Variants in CLSTN1 observed in about 807,000 individuals in gnomAD.
CLSTN1 encodes calsyntenin-1.
CLSTN1 carries 28 observed loss-of-function variants against 108.3 expected under a neutral mutation model. That is an observed-to-expected ratio of 0.26 (90% CI 0.19 to 0.35). The LOEUF (loss-of-function observed/expected upper bound fraction) is 0.35. Ranked by LOEUF, CLSTN1 falls within the 10% of genes least tolerant of loss-of-function variation. CLSTN1 has a pLI of 1.00. For missense variants in CLSTN1, 1,157 were observed against 1,302.6 expected, an observed-to-expected ratio of 0.89 and a Z score of 1.72; for synonymous variants, 524 against 534.9, an observed-to-expected ratio of 0.98 and a Z score of 0.28.
rs149122023 is a variant in CLSTN1, at chr1:9,802,424, G to A, written c.91+21219C>T. 4.1e-3 allele frequency among the ~76,000 whole-genome samples: 624 copies of A among 152,274 alleles called. 6 individuals are homozygous for A. Among genetic ancestry groups the A allele is most frequent in the Middle Eastern group, 0.031 (9 of 294 alleles). On this transcript the variant is annotated intron_variant, in intron 1 of 18. Transcript: ENST00000377298. ...TGCAACTGTGATTTCAGCAGAGTGT[G>A]CAAATTTCTGAGATGTTCACATTAA...
chr1:9,747,213 G>A (rs1455895517), intron 7 of CLSTN1, among the ~76,000 whole-genome samples: 5 of 145,734 alleles, frequency 3.4e-5, no homozygotes, highest in Non-Finnish European at 6.0e-5. Flanking sequence ...AGTACCTGGT[G>A]CATAGTAAGC....
intron 7 of CLSTN1, among the ~76,000 whole-genome samples, chr1:9,745,441 G>A (rs868828550): frequency 1.1e-4 from 16 of 152,104 alleles, no homozygotes; most frequent in Admixed American, 1.3e-4. Flanking sequence ...CAGATTGCTT[G>A]AGCCCAGGAG....
Position 9,823,735 on chromosome 1 carries a change from G to C in CLSTN1, c.-2C>G. On this transcript the variant is annotated 5_prime_UTR_variant, in exon 1 of 19. Transcript: ENST00000377298. This position sits in a 1 kb window ranked among gnomAD's most constrained non-coding sequence, Gnocchi z 6.3. ...CGCGGGAGCGGGGCGGCGCAGCATC[G>C]CCAGCCCGGGGCGGGAGCGGCAGGG... The C allele has an allele frequency of 9.5e-7, 1 of 1,056,776 alleles. No homozygotes were observed. The highest frequency in any genetic ancestry group is 1.1e-6 in the Non-Finnish European group (1 of 877,578). The allele number at this position is 1,056,776 out of a possible 1,614,324, so 65.5% of individuals were successfully genotyped here.
intron 10 of CLSTN1, among the ~76,000 whole-genome samples, chr1:9,738,709 C>A (rs1226333737): frequency 4.6e-5 from 7 of 152,206 alleles, no homozygotes; most frequent in African/African-American, 9.6e-5. Context: ...GGCTGGAGTG[C>A]AGTGGTGTGA....
At chr1:9,799,246 T>C (rs1654146028) in intron 1 of CLSTN1, among the ~76,000 whole-genome samples, 1 of 152,022 alleles carries the variant, frequency 6.6e-6, no homozygotes. Context: ...GGAATCACAA[T>C]TTACAGAGCA....
intron 1 of CLSTN1, among the ~76,000 whole-genome samples, chr1:9,796,933 C>T (rs562686632): frequency 2.0e-5 from 3 of 152,126 alleles, no homozygotes; most frequent in East Asian, 3.9e-4. Context: ...GAGTCAGATA[C>T]GGCAAGATGA....
chr1:9,769,583 C>G (rs1367818905), intron 2 of CLSTN1, among the ~76,000 whole-genome samples: 2 of 152,152 alleles, frequency 1.3e-5, no homozygotes, highest in African/African-American at 4.8e-5. Flanking sequence ...ATAGAGAAAT[C>G]TGTAGTGGTA....
At chr1:9,771,978 C>CTT (rs750410911) in intron 2 of CLSTN1, among the ~76,000 whole-genome samples, 7 of 144,392 alleles carry the variant, frequency 4.8e-5, no homozygotes, top group Admixed American at 7.0e-5. Flanking sequence ...AAATAGAACA[C>CTT]TTTTTTTTTT....
rs78636181 is a variant in CLSTN1, at chr1:9,778,727, A to G, written c.92-5333T>C. Among the ~76,000 whole-genome samples the G allele has an allele frequency of 8.5e-3, 1,289 of 152,212 alleles. 20 individuals are homozygous for G. Among genetic ancestry groups the G allele is most frequent in the African/African-American group, 0.028 (1,173 of 41,538 alleles). ...AAACAAGAGACTGGCTAAGAAGAGAATAAGGGGCCGGATGCGGTGGCTCAC... is the reference window on the plus strand; with the variant it reads ...AAACAAGAGACTGGCTAAGAAGAGAGTAAGGGGCCGGATGCGGTGGCTCAC... On this transcript the variant is annotated intron_variant, in intron 1 of 18. Transcript: ENST00000377298.
intron 1 of CLSTN1, among the ~76,000 whole-genome samples, chr1:9,792,117 G>A (rs1179954079): frequency 6.6e-6 from 1 of 151,072 alleles, no homozygotes; most frequent in Non-Finnish European, 1.5e-5. Flanking sequence ...GCGAGGTGGA[G>A]GTTGCAGTGA....
Position 9,758,593 on chromosome 1 carries a change from CGTGA to C in CLSTN1, c.215-2087_215-2084del, listed in dbSNP as rs1651928680. Reference sequence around the variant, plus strand: ...CCTCCCAAAGTACTGGGATTACAGGCGTGAGTCACCGCACCTGGCCATGACTTGC... The same window carrying C: ...CCTCCCAAAGTACTGGGATTACAGGCGTCACCGCACCTGGCCATGACTTGC... On this transcript the variant is annotated intron_variant, in intron 2 of 18. Coordinates refer to ENST00000377298, the MANE Select transcript of CLSTN1 (RefSeq NM_001009566.3). 2.6e-5 allele frequency among the ~76,000 whole-genome samples: 4 copies of C among 152,262 alleles called. No homozygotes were observed. The East Asian group carries it at 7.7e-4, about 29-fold the overall frequency.
At chr1:9,819,230 C>T (rs1655103255) in intron 1 of CLSTN1, among the ~76,000 whole-genome samples, 2 of 152,244 alleles carry the variant, frequency 1.3e-5, no homozygotes. Flanking sequence ...TTTGTTTCAA[C>T]TCTTATAAAT....
chr1:9,789,020 C>T (rs1372797918), intron 1 of CLSTN1, among the ~76,000 whole-genome samples: 1 of 150,692 alleles, frequency 6.6e-6, no homozygotes, highest in Non-Finnish European at 1.5e-5. Context: ...AATTCCTTTT[C>T]GAGGCTGGAT....
intron 1 of CLSTN1, among the ~76,000 whole-genome samples, chr1:9,806,162 C>T (rs1438057481): frequency 7.3e-5 from 11 of 151,312 alleles, no homozygotes; most frequent in Non-Finnish European, 1.6e-4. Context: ...TGGTGGTGGG[C>T]ACCTGTAATC....
chr1:9,811,527 A>C (rs1338307854), intron 1 of CLSTN1, among the ~76,000 whole-genome samples: 1 of 147,980 alleles, frequency 6.8e-6, no homozygotes, highest in Non-Finnish European at 1.5e-5. Flanking sequence ...AGGATTATCA[A>C]GGTCCCCTTC....
rs1651158034 is a variant in CLSTN1, at chr1:9,744,580, C to T, written c.1049G>A (p.Gly350Asp). Residue 350 changes from glycine (G) to aspartate (D), a missense_variant, in exon 8 of 19, where the codon GGC becomes GAC. Coordinates refer to ENST00000377298, the MANE Select transcript of CLSTN1 (RefSeq NM_001009566.3). ...GTCGTGGCCATTGTCGGTGGGCAGG[C>T]CCATGGTCCAGTTGAGGGATCCACT... is the stretch of plus-strand genomic sequence containing the variant. ...SPSGSLNWTM[G>D]LPTDNGHDSD... 2 of 1,613,470 alleles carry T rather than the reference C, an allele frequency of 1.2e-6. No individual in the cohort carries two copies. Among genetic ancestry groups the T allele is most frequent in the East Asian group, 2.2e-5 (1 of 44,880 alleles).
At chr1:9,763,115 C>T (rs1256914855) in intron 2 of CLSTN1, among the ~76,000 whole-genome samples, 1 of 152,062 alleles carries the variant, frequency 6.6e-6, no homozygotes, top group Non-Finnish European at 1.5e-5. Context: ...GTGCACACCA[C>T]CACGCCTGGC....
rs541597864 is a variant in CLSTN1, at chr1:9,802,471, T to C, written c.91+21172A>G. Among the ~76,000 whole-genome samples, 335 of 152,346 alleles carry C rather than the reference T, an allele frequency of 2.2e-3. 1 individual carries two copies. The highest frequency in any genetic ancestry group is 7.8e-3 in the African/African-American group (324 of 41,574). ...TTAAAAAGTGCTACAAATTTTCAAA[T>C]AATGTGACTTTGTTAACAGGATGTA... is the stretch of plus-strand genomic sequence containing the variant. On this transcript the variant is annotated intron_variant, in intron 1 of 18. Coordinates refer to ENST00000377298, the MANE Select transcript of CLSTN1 (RefSeq NM_001009566.3).
At chr1:9,743,785 T>C in intron 9 of CLSTN1, 99 bp downstream of exon 9, 2 of 1,397,794 alleles carry the variant, frequency 1.4e-6, no homozygotes, top group Non-Finnish European at 2.0e-6. Flanking sequence ...CTCGAACCCC[T>C]GGGCTCAAGC....
Sources: gnomAD v4.1 joint callset for allele counts (sites outside exome capture counted in the v4.1 genomes callset) on GRCh38, gnomAD v4.1.1 for gene constraint, Gnocchi (gnomAD v3.1) non-coding constraint, MANE v1.5 for transcripts, NCBI Gene and HGNC (gene_info 2026-07-23, HGNC 2026-07-21) for gene names.